AGBL4: variants seen among roughly 807,000 people sequenced by gnomAD.
The protein encoded by AGBL4 is AGBL carboxypeptidase 4.
A neutral mutation model predicts 66.4 loss-of-function variants in AGBL4; 58 were observed. The ratio of observed to expected loss-of-function variants is 0.87; its 90% CI spans 0.71 to 1.09. The LOEUF (loss-of-function observed/expected upper bound fraction) is 1.09, where lower values mean the gene tolerates loss of function less well. AGBL4 is among the 50% of genes least tolerant of loss of function. The probability of loss-of-function intolerance (pLI) is 0.00; values close to 1 mark genes in which losing one functional copy is unlikely to be tolerated. For missense variants in AGBL4, 579 were observed against 631.0 expected, an observed-to-expected ratio of 0.92 and a Z score of 0.88; for synonymous variants, 234 against 222.9, an observed-to-expected ratio of 1.05 and a Z score of -0.44.
At chr1:49,726,540 G>A (rs1273902979) in intron 2 of AGBL4, among the ~76,000 whole-genome samples, 2 of 152,010 alleles carry the variant, frequency 1.3e-5, no homozygotes, top group Non-Finnish European at 2.9e-5. Flanking sequence ...ATGATGAGAA[G>A]GAAATATTAA....
At chr1:49,331,620 C>T (rs1645335832) in intron 3 of AGBL4, among the ~76,000 whole-genome samples, 1 of 152,200 alleles carries the variant, frequency 6.6e-6, no homozygotes, top group Non-Finnish European at 1.5e-5. Flanking sequence ...CTCCAGCCAC[C>T]CGGCCTGTAT....
intron 2 of AGBL4, among the ~76,000 whole-genome samples, chr1:49,746,493 T>C (rs1210722510): frequency 1.3e-5 from 2 of 151,896 alleles, no homozygotes; most frequent in African/African-American, 2.4e-5. Flanking sequence ...TCCTGATCCT[T>C]GGTTTACAAA....
chr1:49,620,563 T>G (rs1645340534), intron 3 of AGBL4, among the ~76,000 whole-genome samples: 1 of 152,206 alleles, frequency 6.6e-6, no homozygotes, highest in African/African-American at 2.4e-5. Flanking sequence ...AATATGGTGA[T>G]TCTTCAAGGA....
chr1:49,978,493 A>C (rs1658770786), intron 1 of AGBL4, among the ~76,000 whole-genome samples: 2 of 152,288 alleles, frequency 1.3e-5, no homozygotes, highest in South Asian at 4.1e-4. Context: ...TAAAAAGTAA[A>C]ACTGTGAAAC....
rs551904428 is a variant in AGBL4 at position 49,328,981 on chromosome 1, G to T, written c.283-83117C>A. ...GTACTACTAATCTGAATAATGAATT[G>T]ACTTATTGTGTCACTCTGGACCAGC... On this transcript the variant is annotated intron_variant, in intron 3 of 13. Transcript: ENST00000371839. 2.6e-5 allele frequency among the ~76,000 whole-genome samples: 4 copies of T among 152,242 alleles called. No homozygotes were observed. In the East Asian group the frequency reaches 7.7e-4, roughly 29 times the overall value.
chr1:49,464,114 C>T (rs1187273126), intron 3 of AGBL4, among the ~76,000 whole-genome samples: 1 of 151,604 alleles, frequency 6.6e-6, no homozygotes, highest in Non-Finnish European at 1.5e-5. Flanking sequence ...GTCCTGAGTA[C>T]ATAACAGAGG....
At chr1:48,584,638 C>A (rs1644790475) in intron 11 of AGBL4, 1 of 152,636 alleles carries the variant, frequency 6.6e-6, no homozygotes, top group East Asian at 1.9e-4. Context: ...ATCGCTTGAA[C>A]CCAGGAGGCA....
chr1:49,150,570 T>C (rs1646308260), intron 4 of AGBL4, among the ~76,000 whole-genome samples: 2 of 152,208 alleles, frequency 1.3e-5, no homozygotes, highest in South Asian at 4.1e-4. Flanking sequence ...AAATGTACTA[T>C]TTTCACTTTT....
At chr1:48,882,420 A>G (rs757539288) in intron 5 of AGBL4, among the ~76,000 whole-genome samples, 6 of 152,332 alleles carry the variant, frequency 3.9e-5, no homozygotes, top group Middle Eastern at 3.4e-3. Flanking sequence ...TAAAAATTGT[A>G]TATATTTACA....
chr1:49,332,562 T>C (rs1044471400), intron 3 of AGBL4, among the ~76,000 whole-genome samples: 4 of 152,162 alleles, frequency 2.6e-5, no homozygotes, highest in Non-Finnish European at 5.9e-5. Flanking sequence ...TTGCCAAGGA[T>C]TTTAAACAAA....
At chr1:49,523,032 T>C (rs1558019569) in intron 3 of AGBL4, among the ~76,000 whole-genome samples, 1 of 152,020 alleles carries the variant, frequency 6.6e-6, no homozygotes, top group Non-Finnish European at 1.5e-5. Flanking sequence ...ACAGGACTCT[T>C]GCTGTTAAAA....
At chr1:49,676,885 A>G (rs1349928614) in intron 3 of AGBL4, among the ~76,000 whole-genome samples, 1 of 152,110 alleles carries the variant, frequency 6.6e-6, no homozygotes, top group Admixed American at 6.6e-5. Flanking sequence ...ATTGCTTCTT[A>G]ATAATAACAG....
At chr1:49,979,191 G>A (rs150768331) in intron 1 of AGBL4, among the ~76,000 whole-genome samples, 3,361 of 152,212 alleles carry the variant, frequency 0.022, 135 homozygotes, top group African/African-American at 0.077. Flanking sequence ...GCCGGGCGCG[G>A]TGGCTCACGC....
intron 6 of AGBL4, among the ~76,000 whole-genome samples, chr1:48,859,845 G>C (rs1259137527): frequency 6.6e-6 from 1 of 152,102 alleles, no homozygotes; most frequent in African/African-American, 2.4e-5. Context: ...TTTTATATAA[G>C]AATGCTCACC....
At chr1:49,935,097 G>T (rs949838843) in intron 1 of AGBL4, among the ~76,000 whole-genome samples, 1 of 152,210 alleles carries the variant, frequency 6.6e-6, no homozygotes, top group African/African-American at 2.4e-5. Context: ...AGGGGTGACA[G>T]ACAGCACCTG....
chr1:49,416,904 C>T (rs776495174), intron 3 of AGBL4, among the ~76,000 whole-genome samples: 1 of 151,920 alleles, frequency 6.6e-6, no homozygotes, highest in Non-Finnish European at 1.5e-5. Context: ...AACATGAATA[C>T]ATTAAGGAAA....
At chr1:49,322,866 C>T (rs565738993) in intron 3 of AGBL4, among the ~76,000 whole-genome samples, 70 of 152,214 alleles carry the variant, frequency 4.6e-4, no homozygotes, top group African/African-American at 1.2e-3. Flanking sequence ...TCAGTAATGC[C>T]TCCTTTCTCA....
chr1:49,958,498 G>C (rs1170940898), intron 1 of AGBL4, among the ~76,000 whole-genome samples: 3 of 151,970 alleles, frequency 2.0e-5, no homozygotes, highest in African/African-American at 7.3e-5. Flanking sequence ...TATACACCAT[G>C]GAATACTATT....
chr1:49,012,712 G>A (rs1222790078), intron 5 of AGBL4, among the ~76,000 whole-genome samples: 2 of 152,146 alleles, frequency 1.3e-5, no homozygotes, highest in African/African-American at 2.4e-5. Context: ...TTTGCCCTCA[G>A]TTCCAAAGCA....
Sources: allele counts gnomAD v4.1 joint callset (sites outside exome capture counted in the v4.1 genomes callset), GRCh38; gene constraint gnomAD v4.1.1; transcripts MANE v1.5; gene names NCBI Gene and HGNC (gene_info 2026-07-23, HGNC 2026-07-21).